The following MIOS variants were observed in gnomAD, a reference collection of about 807,000 sequenced individuals.
MIOS encodes meiosis regulator for oocyte development.
MIOS carries 52 observed loss-of-function variants against 96.9 expected under a neutral mutation model. The observed-to-expected ratio is 0.54, with a 90% CI of 0.43 to 0.68. The LOEUF (loss-of-function observed/expected upper bound fraction) is 0.68, where lower values mean the gene tolerates loss of function less well. Ranked by LOEUF, MIOS falls within the 30% of genes least tolerant of loss-of-function variation. MIOS has a pLI of 0.00. For missense variants in MIOS, 1,005 were observed against 1,052.8 expected (o/e 0.95, Z 0.63); for synonymous variants, 397 against 359.5 (o/e 1.10, Z -1.18).
In MIOS at chr7:7,583,388, CTAAGA is replaced by C. The variant is rs747794090; in HGVS notation, c.1648+19_1648+23del. 1.3e-6 allele frequency: 2 copies of C among 1,559,428 alleles called. No homozygotes were observed. Among genetic ancestry groups the C allele is most frequent in the African/African-American group, 1.4e-5 (1 of 73,242 alleles). On this transcript the variant is annotated intron_variant, in intron 6 of 12. Transcript: ENST00000340080. ...TCTGAAAAAGGTATTAGGTTATAAA[CTAAGA>C]TATTAGTTATAATCTAAGATGTTAG...
intron 5 of MIOS, among the ~76,000 whole-genome samples, chr7:7,578,968 C>A (rs1321618504): frequency 6.6e-6 from 1 of 152,170 alleles, no homozygotes; most frequent in Non-Finnish European, 1.5e-5. Context: ...GCCTCGGGCT[C>A]CCAAAGTGCT....
intron 5 of MIOS, among the ~76,000 whole-genome samples, chr7:7,574,682 G>A (rs1783469871): frequency 6.6e-6 from 1 of 152,080 alleles, no homozygotes. Flanking sequence ...ACCTGATATA[G>A]TCCTTGGTTA....
At chr7:7,599,660 G>T (rs1038211834) in intron 11 of MIOS, among the ~76,000 whole-genome samples, 6 of 152,144 alleles carry the variant, frequency 3.9e-5, no homozygotes, top group African/African-American at 1.4e-4. Context: ...GTGTATTGTT[G>T]TGAAAGGACC....
rs1784540339 is a variant in MIOS at position 7,606,712 on chromosome 7, T to C, written c.2532-284T>C. Among the ~76,000 whole-genome samples the C allele has an allele frequency of 3.3e-5, 5 of 152,314 alleles. No individual in the cohort carries two copies. In the South Asian group the frequency reaches 1.0e-3, roughly 32 times the overall value. ...AGCTTGGCAGTAGTTTATAATTTGA[T>C]GCTTTTGATGCTTTTTTTCTCTGGG... On this transcript the variant is annotated intron_variant, in intron 12 of 12. Coordinates refer to ENST00000340080, the MANE Select transcript of MIOS (RefSeq NM_019005.4).
intron 11 of MIOS, among the ~76,000 whole-genome samples, chr7:7,601,838 A>C (rs1784387897): frequency 6.6e-6 from 1 of 152,334 alleles, no homozygotes; most frequent in Admixed American, 6.5e-5. Flanking sequence ...ATACTGGCAA[A>C]CCAAATCCAG....
chr7:7,602,226 C>A (rs968444417), intron 11 of MIOS, among the ~76,000 whole-genome samples: 1 of 152,096 alleles, frequency 6.6e-6, no homozygotes, highest in African/African-American at 2.4e-5. Flanking sequence ...CTGGCCAGGG[C>A]AATCAGACAG....
intron 11 of MIOS, among the ~76,000 whole-genome samples, chr7:7,602,298 A>G (rs1432050925): frequency 6.6e-6 from 1 of 152,234 alleles, no homozygotes; most frequent in Admixed American, 6.5e-5. Context: ...CTGTTTGCAG[A>G]TGACATGATT....
At chr7:7,569,937 CA>C (rs758857799) in intron 3 of MIOS, among the ~76,000 whole-genome samples, 17 of 152,182 alleles carry the variant, frequency 1.1e-4, no homozygotes, top group Non-Finnish European at 1.9e-4. Flanking sequence ...TGTTGTGCCA[CA>C]AGGCCGGTGC....
At chr7:7,576,674 G>A (rs531494452) in intron 5 of MIOS, among the ~76,000 whole-genome samples, 2 of 152,190 alleles carry the variant, frequency 1.3e-5, no homozygotes, top group Non-Finnish European at 2.9e-5. Flanking sequence ...GATTCATCTT[G>A]TAAGACGGGG....
At chr7:7,587,676 A>T (rs1783932181) in intron 7 of MIOS, among the ~76,000 whole-genome samples, 1 of 152,162 alleles carries the variant, frequency 6.6e-6, no homozygotes, top group Non-Finnish European at 1.5e-5. Flanking sequence ...AAATCTAGTT[A>T]TATGAAATAT....
At chr7:7,579,209 A>G (rs1783633752) in intron 5 of MIOS, among the ~76,000 whole-genome samples, 2 of 152,250 alleles carry the variant, frequency 1.3e-5, no homozygotes, top group African/African-American at 4.8e-5. Context: ...CTCATAAGTT[A>G]AAACCCATGC....
intron 11 of MIOS, among the ~76,000 whole-genome samples, chr7:7,600,434 A>G (rs908028228): frequency 4.6e-5 from 7 of 152,224 alleles, no homozygotes; most frequent in Non-Finnish European, 1.0e-4. Flanking sequence ...ATCTCAGATA[A>G]AACAGAGTTT....
Position 7,589,431 on chromosome 7 carries a change from CAATGA to C in MIOS, c.1919_1923del (p.Met640ArgfsTer15). ...TAAATAGATACATCGAAAAGTTGAC[CAATGA>C]AATGAAAGAGGCTGGAAATTTGGAA... is the stretch of plus-strand genomic sequence containing the variant. On this transcript the variant is annotated frameshift_variant, in exon 9 of 13. Transcript: ENST00000340080. 6.2e-7 allele frequency: 1 copy of C among 1,613,144 alleles called. No individual in the cohort carries two copies. Among genetic ancestry groups the C allele is most frequent in the Non-Finnish European group, 8.5e-7 (1 of 1,179,494 alleles).
At chr7:7,582,788 A>T in intron 5 of MIOS, 1 of 265,870 alleles carries the variant, frequency 3.8e-6, no homozygotes, top group Non-Finnish European at 6.1e-6. Context: ...GCACATATTA[A>T]GTGCTAAAGG....
intron 3 of MIOS, among the ~76,000 whole-genome samples, chr7:7,569,159 TG>T (rs1383600423): frequency 1.3e-5 from 2 of 152,232 alleles, no homozygotes; most frequent in Non-Finnish European, 2.9e-5. Context: ...ATTTCCTTTG[TG>T]GGGGTATGAG....
intron 9 of MIOS, 115 bp from the exon 10 acceptor site, chr7:7,594,865 A>AAAG: frequency 1.6e-6 from 1 of 634,414 alleles, no homozygotes; most frequent in South Asian, 4.8e-5. Context: ...CTTTTGGCAA[A>AAAG]AAAAAAAAAA....
At chr7:7,598,420 A>C (rs1784278358) in intron 11 of MIOS, among the ~76,000 whole-genome samples, 1 of 151,884 alleles carries the variant, frequency 6.6e-6, no homozygotes, top group African/African-American at 2.4e-5. Context: ...TTTTTTAAAG[A>C]AATGAAGAGA....
intron 2 of MIOS, 26 bp downstream of exon 2, chr7:7,567,714 A>G (rs1783193349): frequency 6.6e-6 from 1 of 152,198 alleles, no homozygotes; most frequent in South Asian, 2.1e-4. Context: ...GACAACATCA[A>G]AAAGCATGTG....
intron 9 of MIOS, among the ~76,000 whole-genome samples, chr7:7,594,298 G>T (rs909129724): frequency 3.0e-5 from 4 of 135,006 alleles, no homozygotes; most frequent in Admixed American, 8.6e-5. Flanking sequence ...AGCAATTTTG[G>T]TGTGCATTTG....
Sources: gnomAD v4.1 joint callset for allele counts (sites outside exome capture counted in the v4.1 genomes callset) on GRCh38, gnomAD v4.1.1 for gene constraint, MANE v1.5 for transcripts, NCBI Gene and HGNC (gene_info 2026-07-23, HGNC 2026-07-21) for gene names.